Variants in F13A1 observed in about 807,000 individuals in gnomAD.
The protein encoded by F13A1 is coagulation factor XIII A chain, also known as FSF, A subunit.
Under a neutral mutation model 80.1 loss-of-function variants are expected in F13A1, and 47 were observed. The observed-to-expected ratio is 0.59, with a 90% CI of 0.46 to 0.75. The LOEUF (loss-of-function observed/expected upper bound fraction) is 0.75, where lower values mean the gene tolerates loss of function less well. F13A1 is among the 30% of genes least tolerant of loss of function. The pLI, the probability that F13A1 is intolerant of heterozygous loss-of-function variation, is 0.00. For missense variants in F13A1, 817 were observed against 930.4 expected (o/e 0.88, Z 1.59); for synonymous variants, 349 against 344.9 (o/e 1.01, Z -0.13).
At chr6:6,151,751 A>G in intron 14 of F13A1, 62 bp downstream of exon 14, 4 of 1,607,978 alleles carry the variant, frequency 2.5e-6, no homozygotes, top group Non-Finnish European at 3.4e-6. Context: ...GAAAAGACAC[A>G]CACAGAGAAA....
intron 5 of F13A1, among the ~76,000 whole-genome samples, chr6:6,249,346 C>A (rs1757598663): frequency 6.6e-6 from 1 of 152,206 alleles, no homozygotes. Context: ...ATGCAAATAG[C>A]TCAGTATTTT....
At chr6:6,308,688 C>A (rs950486914) in intron 2 of F13A1, among the ~76,000 whole-genome samples, 6 of 143,138 alleles carry the variant, frequency 4.2e-5, no homozygotes, top group Non-Finnish European at 1.5e-5. Context: ...TTTCAGCTCA[C>A]TGCAACTTCT....
rs138072171 is a variant in F13A1, at chr6:6,164,197, C to T, written c.1908+3261G>A. On this transcript the variant is annotated intron_variant, in intron 13 of 14. Transcript: ENST00000264870. Reference sequence around the variant, plus strand: ...CCAACAAGCATATGAAAAAAAAAGCCCATGGAGGCTATAATTCTTAAGAAA... The same window carrying T: ...CCAACAAGCATATGAAAAAAAAAGCTCATGGAGGCTATAATTCTTAAGAAA... Among the ~76,000 whole-genome samples the T allele has an allele frequency of 5.3e-3, 808 of 152,034 alleles. 1 individual carries two copies. The highest frequency in any genetic ancestry group is 8.3e-3 in the Non-Finnish European group (566 of 67,978).
chr6:6,152,994 G>T (rs1338871190), intron 13 of F13A1, among the ~76,000 whole-genome samples: 2 of 152,182 alleles, frequency 1.3e-5, no homozygotes, highest in African/African-American at 2.4e-5. Flanking sequence ...CATGGCAAAG[G>T]CCCAATGCAT....
intron 13 of F13A1, among the ~76,000 whole-genome samples, chr6:6,154,332 G>T (rs567348264): frequency 6.6e-6 from 1 of 152,322 alleles, no homozygotes; most frequent in Admixed American, 6.5e-5. Flanking sequence ...GGCACATGGG[G>T]TGTGGAGAGA....
At chr6:6,152,630 G>GATTTAATAA (rs1192012922) in intron 13 of F13A1, among the ~76,000 whole-genome samples, 1 of 152,162 alleles carries the variant, frequency 6.6e-6, no homozygotes, top group African/African-American at 2.4e-5. Context: ...TATTAACAGT[G>GATTTAATAA]GGGACTCAGG....
chr6:6,178,535 C>T (rs1333158071), intron 11 of F13A1, among the ~76,000 whole-genome samples: 1 of 151,862 alleles, frequency 6.6e-6, no homozygotes, highest in Non-Finnish European at 1.5e-5. Context: ...TTGGGAAGTT[C>T]CGTGTCAGGT....
intron 8 of F13A1, among the ~76,000 whole-genome samples, chr6:6,200,467 C>T (rs1396294066): frequency 1.3e-5 from 2 of 150,914 alleles, no homozygotes; most frequent in African/African-American, 2.4e-5. Context: ...GGGAGGATCA[C>T]TTGAGCCCGG....
chr6:6,158,390 T>C (rs1037388800), intron 13 of F13A1, among the ~76,000 whole-genome samples: 3 of 152,152 alleles, frequency 2.0e-5, no homozygotes, highest in Admixed American at 1.3e-4. Context: ...GGTGACTCAA[T>C]GTAATATCAT....
Position 6,174,574 on chromosome 6 carries a change from G to A in F13A1, c.1747+6C>T, listed in dbSNP as rs762105832. ...CTCAGAAAGAACCACACCATTGTTA[G>A]CTTACAGGACAAGGGCTCCAGCGTC... On this transcript the variant is annotated splice_donor_region_variant and intron_variant, in intron 12 of 14. Coordinates refer to ENST00000264870, the MANE Select transcript of F13A1 (RefSeq NM_000129.4). The A allele has an allele frequency of 2.8e-5, 45 of 1,613,960 alleles. No homozygotes were observed. Among genetic ancestry groups the A allele is most frequent in the Non-Finnish European group, 3.7e-5 (44 of 1,180,008 alleles).
intron 11 of F13A1, among the ~76,000 whole-genome samples, chr6:6,181,268 C>G (rs1478180466): frequency 6.6e-6 from 1 of 152,168 alleles, no homozygotes; most frequent in Non-Finnish European, 1.5e-5. Flanking sequence ...TTCCAAAGAC[C>G]CCTCTGCACA....
At chr6:6,263,437 T>C (rs1757803720) in intron 4 of F13A1, among the ~76,000 whole-genome samples, 1 of 152,232 alleles carries the variant, frequency 6.6e-6, no homozygotes, top group South Asian at 2.1e-4. Context: ...CTCTGGGCTC[T>C]TTTGATCTCC....
At chr6:6,224,238 A>T (rs1204441503) in intron 7 of F13A1, among the ~76,000 whole-genome samples, 4 of 152,202 alleles carry the variant, frequency 2.6e-5, no homozygotes, top group African/African-American at 7.2e-5. Context: ...GATAAAAATT[A>T]AGTGTATATA....
chr6:6,306,393 C>G (rs796951577), intron 2 of F13A1, among the ~76,000 whole-genome samples: 37 of 152,320 alleles, frequency 2.4e-4, no homozygotes, highest in Admixed American at 1.2e-3. Context: ...AATGGAGACA[C>G]TAATATTCAT....
rs1174900243 is a variant in F13A1 at position 6,224,667 on chromosome 6, T to C, written c.973+19A>G. The C allele has an allele frequency of 6.2e-7, 1 of 1,610,444 alleles. No individual in the cohort carries two copies. Among genetic ancestry groups the C allele is most frequent in the Non-Finnish European group, 8.5e-7 (1 of 1,177,502 alleles). On this transcript the variant is annotated intron_variant, in intron 7 of 14. Transcript: ENST00000264870. ...AGTTTCCTTTATATTAAAAAGAAATTACTCAGTTGGATACTTACATGTGTT... is the reference window on the plus strand; with the variant it reads ...AGTTTCCTTTATATTAAAAAGAAATCACTCAGTTGGATACTTACATGTGTT...
At chr6:6,190,137 CAA>C (rs1761159473) in intron 10 of F13A1, among the ~76,000 whole-genome samples, 1 of 151,666 alleles carries the variant, frequency 6.6e-6, no homozygotes, top group Non-Finnish European at 1.5e-5. Context: ...AAATTTTTTT[CAA>C]AGTTTTCAAC....
At chr6:6,165,536 C>T (rs1034705552) in intron 13 of F13A1, among the ~76,000 whole-genome samples, 78 of 152,110 alleles carry the variant, frequency 5.1e-4, no homozygotes, top group African/African-American at 1.6e-3. Flanking sequence ...TAATTAGGTA[C>T]GCACACAGGC....
In F13A1 at chr6:6,167,515, C is replaced by A. The variant is rs1216470597; in HGVS notation, c.1851G>T (p.Arg617Ser). ...FFVTARINET[R>S]DVLAKQKSTV... ...TGGACTTTTGCTTGGCCAGAACATCCCTGGTCTCATTGATGCGAGCTGTGA... is the reference window on the plus strand; with the variant it reads ...TGGACTTTTGCTTGGCCAGAACATCACTGGTCTCATTGATGCGAGCTGTGA... The change falls in exon 13 of 15, where the codon AGG (arginine) becomes AGT (serine). Residue 617 changes from arginine to serine, a missense_variant. Physicochemically the swap from Arg to Ser is moderately radical, Grantham distance 110. Coordinates refer to ENST00000264870, the MANE Select transcript of F13A1 (RefSeq NM_000129.4). 6.2e-7 allele frequency: 1 copy of A among 1,613,910 alleles called. No homozygotes were observed. Among genetic ancestry groups the A allele is most frequent in the African/African-American group, 1.3e-5 (1 of 74,854 alleles).
intron 6 of F13A1, among the ~76,000 whole-genome samples, chr6:6,229,502 G>T (rs576379496): frequency 6.6e-6 from 1 of 152,272 alleles, no homozygotes; most frequent in African/African-American, 2.4e-5. Flanking sequence ...GATTCTAATA[G>T]TACCATAGTT....
Sources: gnomAD v4.1 joint callset for allele counts (sites outside exome capture counted in the v4.1 genomes callset) on GRCh38, gnomAD v4.1.1 for gene constraint, MANE v1.5 for transcripts, NCBI Gene and HGNC (gene_info 2026-07-23, HGNC 2026-07-21) for gene names.